The following TRIM62 variants were observed in gnomAD, a reference collection of about 807,000 sequenced individuals.
TRIM62 encodes the protein tripartite motif containing 62.
TRIM62 carries 39 observed loss-of-function variants against 44.2 expected under a neutral mutation model. That is an observed-to-expected ratio of 0.88 (90% confidence interval 0.68 to 1.15). The LOEUF (loss-of-function observed/expected upper bound fraction) is 1.15, where lower values mean the gene tolerates loss of function less well. Ranked by LOEUF, TRIM62 falls within the 50% of genes most tolerant of loss-of-function variation. TRIM62 has a pLI of 0.00. For missense variants in TRIM62, 544 were observed against 665.5 expected (o/e 0.82, Z 2.01); for synonymous variants, 278 against 292.3 (o/e 0.95, Z 0.50).
At chr1:33,149,207 C>T (rs771429673) in intron 4 of TRIM62, among the ~76,000 whole-genome samples, 57 of 152,284 alleles carry the variant, frequency 3.7e-4, no homozygotes, top group Admixed American at 7.2e-4. Context: ...GGCGGGAATG[C>T]AGTGGCATGA....
At position 33,177,729 on chromosome 1, in the gene TRIM62, T is replaced by C. The variant is rs1481452586; in HGVS notation, c.408+3296A>G. Among the ~76,000 whole-genome samples, 3 of 152,220 alleles carry C rather than the reference T, an allele frequency of 2.0e-5. No homozygotes were observed. The highest frequency in any genetic ancestry group is 1.9e-4 in the East Asian group (1 of 5,182). Reference sequence around the variant, plus strand: ...TAGAGGCCAGGAATGCTACCAGACTTCCTATAACACACAAGATGGCCCTGC... The same window carrying C: ...TAGAGGCCAGGAATGCTACCAGACTCCCTATAACACACAAGATGGCCCTGC... On this transcript the variant is annotated intron_variant, in intron 1 of 4. Coordinates refer to ENST00000291416, the MANE Select transcript of TRIM62 (RefSeq NM_018207.3). This position sits in a 1 kb window ranked among gnomAD's most constrained non-coding sequence, Gnocchi z 4.1.
Position 33,165,386 on chromosome 1 carries a change from C to T in TRIM62, c.504+85G>A. On this transcript the variant is annotated intron_variant, in intron 2 of 4. Transcript: ENST00000291416. This position sits in a 1 kb window ranked among gnomAD's most constrained non-coding sequence, Gnocchi z 4.0. The stretch of plus-strand genomic sequence containing the variant: ...GGTTTCCACCGCACACCCGAGGCCC[C>T]GCCCCTCTTCCCCAGCTGGCCCCGC... The T allele has an allele frequency of 7.8e-7, 1 of 1,281,908 alleles. No homozygotes were observed. The highest frequency in any genetic ancestry group is 1.1e-6 in the Non-Finnish European group (1 of 932,206). 79.4% of individuals were successfully genotyped at this position (1,281,908 alleles called of 1,614,324 possible). A position where few individuals can be genotyped will look rare whatever the true frequency, so the allele number is the denominator to read the frequency against.
Position 33,161,137 on chromosome 1 carries a change from G to C in TRIM62, c.505-1193C>G, listed in dbSNP as rs187960213. Among the ~76,000 whole-genome samples the C allele has an allele frequency of 1.3e-5, 2 of 152,204 alleles. No individual in the cohort carries two copies. The highest frequency in any genetic ancestry group is 1.5e-5 in the Non-Finnish European group (1 of 68,030). On this transcript the variant is annotated intron_variant, in intron 2 of 4. Coordinates refer to ENST00000291416, the MANE Select transcript of TRIM62 (RefSeq NM_018207.3). The surrounding 1 kb of genome is among the most constrained non-coding windows in gnomAD (Gnocchi z 4.3). ...ATTGTGGTGAAGATGAAATGAGGGG[G>C]TGTTGTTGTGCGCACTCCAAGGCGC...
chr1:33,177,065 ATG>A lies in TRIM62; in HGVS notation c.408+3958_408+3959del, dbSNP rs1308513834. Among the ~76,000 whole-genome samples the A allele has an allele frequency of 1.6e-5, 1 of 64,018 alleles. No homozygotes were observed. The highest frequency in any genetic ancestry group is 3.6e-5 in the Non-Finnish European group (1 of 28,078). The allele number at this position is 64,018 out of a possible 152,430, so 42.0% of individuals were successfully genotyped here. ...CACACACACACGCACACACACACAC[ATG>A]CACACACACACATGCATGCACAAAT... On this transcript the variant is annotated intron_variant, in intron 1 of 4. Transcript: ENST00000291416. This position sits in a 1 kb window ranked among gnomAD's most constrained non-coding sequence, Gnocchi z 4.1.
chr1:33,157,912 A>G (rs539976713), intron 4 of TRIM62, among the ~76,000 whole-genome samples: 1 of 152,246 alleles, frequency 6.6e-6, no homozygotes, highest in South Asian at 2.1e-4. Context: ...GCACGCCACC[A>G]TGCCCAGCTA....
At chr1:33,148,993 T>C (rs1214073802) in intron 4 of TRIM62, among the ~76,000 whole-genome samples, 1 of 152,098 alleles carries the variant, frequency 6.6e-6, no homozygotes, top group Admixed American at 6.6e-5. Flanking sequence ...CCCACTTAGG[T>C]CCAAAGCCTC....
At chr1:33,172,631 C>T (rs890455249) in intron 1 of TRIM62, among the ~76,000 whole-genome samples, 1 of 152,088 alleles carries the variant, frequency 6.6e-6, no homozygotes, top group Non-Finnish European at 1.5e-5. Flanking sequence ...GCCCTGAGCA[C>T]ACAGTTATGC....
chr1:33,148,685 C>T (rs576804196), intron 4 of TRIM62, among the ~76,000 whole-genome samples: 3 of 152,282 alleles, frequency 2.0e-5, no homozygotes, highest in South Asian at 4.1e-4. Context: ...TGTACATATA[C>T]ACACACAACA....
intron 1 of TRIM62, among the ~76,000 whole-genome samples, chr1:33,169,683 C>T (rs149941657): frequency 5.3e-5 from 8 of 152,290 alleles, no homozygotes; most frequent in African/African-American, 9.6e-5. Context: ...CTGTTCAATA[C>T]GACACACGTG....
intron 4 of TRIM62, 64 bp downstream of exon 4, chr1:33,158,188 CA>C (rs1434941869): frequency 1.6e-5 from 23 of 1,471,100 alleles, no homozygotes; most frequent in Non-Finnish European, 2.0e-5. Context: ...GTGTTTAGGA[CA>C]GGGGGCTGGG....
In TRIM62 at chr1:33,181,525, G is replaced by T. The variant is rs1645464246; in HGVS notation, c.-93C>A. On this transcript the variant is annotated 5_prime_UTR_variant, in exon 1 of 5. Coordinates refer to ENST00000291416, the MANE Select transcript of TRIM62 (RefSeq NM_018207.3). This position sits in a 1 kb window ranked among gnomAD's most constrained non-coding sequence, Gnocchi z 6.5. ...GGAGGCAGCACCGAGGGCTGGGCGC[G>T]GGGACGAGGCCCGCACAGGCAGGGG... The T allele has an allele frequency of 6.9e-7, 1 of 1,453,598 alleles. No individual in the cohort carries two copies. Among genetic ancestry groups the T allele is most frequent in the Admixed American group, 2.7e-5 (1 of 37,248 alleles). 90.0% of individuals were successfully genotyped at this position (1,453,598 alleles called of 1,614,324 possible). A position where few individuals can be genotyped will look rare whatever the true frequency, so the allele number is the denominator to read the frequency against.
chr1:33,147,757 G>T lies in TRIM62; in HGVS notation c.878-30C>A. The T allele has an allele frequency of 6.3e-7, 1 of 1,593,898 alleles. No homozygotes were observed. The highest frequency in any genetic ancestry group is 1.1e-5 in the South Asian group (1 of 88,538). ...GGGGGTTGGAGGAGGGAGAGAAGAT[G>T]AGTGGGGAGAAGGCTGTGGACCCAC... On this transcript the variant is annotated intron_variant, in intron 4 of 4. Coordinates refer to ENST00000291416, the MANE Select transcript of TRIM62 (RefSeq NM_018207.3). The surrounding 1 kb of genome is among the most constrained non-coding windows in gnomAD (Gnocchi z 8.1).
At chr1:33,166,199 G>A (rs1645325887) in intron 1 of TRIM62, 1 of 152,352 alleles carries the variant, frequency 6.6e-6, no homozygotes, top group Admixed American at 6.5e-5. Context: ...GGAAAAACAA[G>A]CTCAGGGCTC....
intron 4 of TRIM62, among the ~76,000 whole-genome samples, chr1:33,150,722 G>A (rs56773126): frequency 1.0e-3 from 153 of 152,292 alleles, no homozygotes; most frequent in African/African-American, 3.6e-3. Flanking sequence ...TTCCCACAGT[G>A]GGGTCGGGAG....
chr1:33,175,725 G>A (rs1285049560), intron 1 of TRIM62, among the ~76,000 whole-genome samples: 2 of 152,014 alleles, frequency 1.3e-5, no homozygotes, highest in African/African-American at 4.8e-5. Flanking sequence ...CTGTGAGATG[G>A]TACTGATCTC....
Position 33,159,828 on chromosome 1 carries a change from C to T in TRIM62, c.621G>A (p.Thr207=), listed in dbSNP as rs1443051043. 9.9e-6 allele frequency: 16 copies of T among 1,613,590 alleles called. No individual in the cohort carries two copies. The highest frequency in any genetic ancestry group is 2.2e-5 in the East Asian group (1 of 44,896). ...LEELEADTAR[T]LTDIEQKVQR... is the part of the protein sequence containing the mutation. Reference sequence around the variant, plus strand: ...GGACTTTCTGCTCGATGTCGGTCAGCGTGCGGGCCGTGTCCGCCTCCAGCT... The same window carrying T: ...GGACTTTCTGCTCGATGTCGGTCAGTGTGCGGGCCGTGTCCGCCTCCAGCT... Residue 207 remains threonine (T), a synonymous_variant, in exon 3 of 5, where the codon ACG becomes ACA. Coordinates refer to ENST00000291416, the MANE Select transcript of TRIM62 (RefSeq NM_018207.3). The surrounding 1 kb of genome is among the most constrained non-coding windows in gnomAD (Gnocchi z 4.2).
intron 4 of TRIM62, among the ~76,000 whole-genome samples, chr1:33,148,738 T>C (rs1214843032): frequency 6.6e-6 from 1 of 152,240 alleles, no homozygotes; most frequent in Non-Finnish European, 1.5e-5. Context: ...ATAAAAAGGT[T>C]ATATTATCTT....
chr1:33,146,817 T>C lies in TRIM62; in HGVS notation c.*360A>G. The C allele has an allele frequency of 6.4e-6, 2 of 311,568 alleles. No homozygotes were observed. The highest frequency in any genetic ancestry group is 4.6e-5 in the Admixed American group (1 of 21,736). 19.3% of individuals were successfully genotyped at this position (311,568 alleles called of 1,614,324 possible). On this transcript the variant is annotated 3_prime_UTR_variant, in exon 5 of 5. Transcript: ENST00000291416. ...CTTTCGGGCTGCCAACTACTGGCCA[T>C]GCTCTGACACTTCCTGAGGTCAGGG...
At chr1:33,148,148 A>G (rs1645046280) in intron 4 of TRIM62, among the ~76,000 whole-genome samples, 1 of 152,162 alleles carries the variant, frequency 6.6e-6, no homozygotes. Flanking sequence ...TTGTCTTAAC[A>G]ACAGCTGGGA....
Sources: gnomAD v4.1 joint callset for allele counts (sites outside exome capture counted in the v4.1 genomes callset) on GRCh38, gnomAD v4.1.1 for gene constraint, Gnocchi (gnomAD v3.1) non-coding constraint, MANE v1.5 for transcripts, NCBI Gene and HGNC (gene_info 2026-07-23, HGNC 2026-07-21) for gene names.